Variants in MARCHF1 observed in about 807,000 individuals in gnomAD.
MARCHF1 encodes the protein membrane associated ring-CH-type finger 1.
MARCHF1 carries 40 observed loss-of-function variants against 54.2 expected under a neutral mutation model. The observed-to-expected ratio is 0.74, with a 90% CI of 0.57 to 0.96. The LOEUF (loss-of-function observed/expected upper bound fraction) is 0.96, where lower values mean the gene tolerates loss of function less well. MARCHF1 is among the 40% of genes least tolerant of loss of function. The pLI, the probability that MARCHF1 is intolerant of heterozygous loss-of-function variation, is 0.00. For missense variants in MARCHF1, 586 were observed against 656.5 expected, an observed-to-expected ratio of 0.89 and a Z score of 1.17; for synonymous variants, 236 against 236.3, an observed-to-expected ratio of 1.00 and a Z score of 0.01.
At chr4:163,913,099 A>C (rs1055373594) in intron 3 of MARCHF1, among the ~76,000 whole-genome samples, 9 of 152,172 alleles carry the variant, frequency 5.9e-5, no homozygotes, top group African/African-American at 2.2e-4. Context: ...TCAAAGTGTA[A>C]GGCCTTTTTA....
rs1310210760 is a variant in MARCHF1, at chr4:164,352,585, C to T, written c.-323+31285G>A. Among the ~76,000 whole-genome samples, 86 of 148,894 alleles carry T rather than the reference C, an allele frequency of 5.8e-4. 1 individual carries two copies. Among genetic ancestry groups the T allele is most frequent in the African/African-American group, 1.3e-3 (53 of 41,034 alleles). On this transcript the variant is annotated intron_variant, in intron 1 of 9. Coordinates refer to ENST00000514618, the MANE Select transcript of MARCHF1 (RefSeq NM_001394959.1). ...CTGAGAGATTTTGTCACCACCAGGC[C>T]TGCCCTAAAAGAGTTCCTGAAGGAA...
chr4:164,043,443 T>C (rs1754170844), intron 2 of MARCHF1, among the ~76,000 whole-genome samples: 1 of 152,158 alleles, frequency 6.6e-6, no homozygotes, highest in Non-Finnish European at 1.5e-5. Flanking sequence ...TAGCCACAGC[T>C]GGAGCTGGAG....
intron 4 of MARCHF1, among the ~76,000 whole-genome samples, chr4:163,805,633 G>A (rs958545534): frequency 6.6e-6 from 1 of 152,176 alleles, no homozygotes; most frequent in African/African-American, 2.4e-5. Context: ...AGGCTCCAAC[G>A]ATAGGCCATT....
At chr4:163,582,759 TAAAAACTACAAAAA>T in intron 8 of MARCHF1, among the ~76,000 whole-genome samples, 1 of 103,778 alleles carries the variant, frequency 9.6e-6, no homozygotes, top group East Asian at 2.7e-4. Context: ...TATAACTGTT[TAAAAACTACAAAAA>T]AAAAACTATT....
intron 1 of MARCHF1, among the ~76,000 whole-genome samples, chr4:164,280,573 T>C (rs534517686): frequency 2.6e-5 from 4 of 152,236 alleles, no homozygotes; most frequent in African/African-American, 9.6e-5. Flanking sequence ...AGATGGATTA[T>C]AGATTTATGT....
intron 4 of MARCHF1, among the ~76,000 whole-genome samples, chr4:163,790,659 A>G (rs17044163): frequency 0.013 from 1,982 of 152,272 alleles, 39 homozygotes; most frequent in African/African-American, 0.043. Context: ...CAGTATAAGC[A>G]TAATTTTTTC....
intron 8 of MARCHF1, chr4:163,584,711 A>G (rs1470691475): frequency 1.3e-5 from 2 of 152,224 alleles, no homozygotes; most frequent in Admixed American, 1.3e-4. Context: ...TTAATGAAGA[A>G]TTGCAATGGT....
chr4:163,903,054 C>CT (rs1750975867), intron 3 of MARCHF1, among the ~76,000 whole-genome samples: 1 of 152,088 alleles, frequency 6.6e-6, no homozygotes, highest in South Asian at 2.1e-4. Context: ...AAAATCATTC[C>CT]TAATAACTAC....
chr4:163,595,745 T>G lies in MARCHF1; in HGVS notation c.1011-9816A>C, dbSNP rs146451475. Among the ~76,000 whole-genome samples the G allele has an allele frequency of 1.7e-3, 252 of 151,978 alleles. 1 individual carries two copies. Among genetic ancestry groups the G allele is most frequent in the African/African-American group, 5.6e-3 (232 of 41,476 alleles). On this transcript the variant is annotated intron_variant, in intron 7 of 9. Coordinates refer to ENST00000514618, the MANE Select transcript of MARCHF1 (RefSeq NM_001394959.1). ...GGAGTAGAATAGTGGCTGCCAAGGC[T>G]GGGGAGAGGGGAAAATGGGAAGTTG... is the stretch of plus-strand genomic sequence containing the variant.
At chr4:164,183,545 G>A (rs550501053) in intron 1 of MARCHF1, among the ~76,000 whole-genome samples, 1 of 152,212 alleles carries the variant, frequency 6.6e-6, no homozygotes, top group Admixed American at 6.5e-5. Flanking sequence ...TTCCAGAAAA[G>A]CCTTCTCACT....
intron 2 of MARCHF1, among the ~76,000 whole-genome samples, chr4:164,019,136 G>A (rs1043265413): frequency 6.6e-6 from 1 of 152,168 alleles, no homozygotes. Flanking sequence ...TGCCAGGTGA[G>A]TGAGGTTAGG....
intron 5 of MARCHF1, among the ~76,000 whole-genome samples, chr4:163,638,878 A>C (rs568758219): frequency 6.6e-6 from 1 of 152,370 alleles, no homozygotes; most frequent in South Asian, 2.1e-4. Context: ...ATCTTGTTAC[A>C]TGCAACAACA....
intron 2 of MARCHF1, among the ~76,000 whole-genome samples, chr4:164,095,720 A>T (rs1014605482): frequency 4.6e-5 from 7 of 152,092 alleles, no homozygotes; most frequent in Admixed American, 6.6e-5. Context: ...AAACTCAACC[A>T]AAAAACTTAA....
chr4:163,881,687 G>C (rs1176950457), intron 3 of MARCHF1, among the ~76,000 whole-genome samples: 2 of 147,518 alleles, frequency 1.4e-5, no homozygotes, highest in East Asian at 3.9e-4. Context: ...GAAAAGAAAA[G>C]AAATATATGG....
intron 3 of MARCHF1, among the ~76,000 whole-genome samples, chr4:163,858,434 C>T (rs1749829777): frequency 6.6e-6 from 1 of 152,116 alleles, no homozygotes; most frequent in East Asian, 1.9e-4. Context: ...AAGCTGAATG[C>T]TCCCTCTCTT....
intron 9 of MARCHF1, chr4:163,529,950 A>G (rs1164783676): frequency 6.6e-6 from 1 of 152,012 alleles, no homozygotes; most frequent in Non-Finnish European, 1.5e-5. Flanking sequence ...TGAAGTAGAA[A>G]AATATAGCTC....
chr4:163,526,599 T>C lies in MARCHF1; in HGVS notation c.*2149A>G, dbSNP rs941706535. The stretch of plus-strand genomic sequence containing the variant: ...TTCATAAATGTATTTATCTTAAATA[T>C]TTAAAATGGGCATTTAAGAGGAATT... On this transcript the variant is annotated 3_prime_UTR_variant, in exon 10 of 10. Coordinates refer to ENST00000514618, the MANE Select transcript of MARCHF1 (RefSeq NM_001394959.1). 6.6e-6 allele frequency: 1 copy of C among 151,998 alleles called. No homozygotes were observed. Among genetic ancestry groups the C allele is most frequent in the Admixed American group, 6.6e-5 (1 of 15,246 alleles). 9.4% of individuals were successfully genotyped at this position (151,998 alleles called of 1,614,324 possible).
rs1738073094 is a variant in MARCHF1, at chr4:163,525,567, T to TA, written c.*3180dup. ...ATTGGAATTTCTTTCTTTTACAATT[T>TA]AATCTTTACTCCTGTACGATAAGAG... On this transcript the variant is annotated 3_prime_UTR_variant, in exon 10 of 10. Coordinates refer to ENST00000514618, the MANE Select transcript of MARCHF1 (RefSeq NM_001394959.1). 6.6e-6 allele frequency: 1 copy of TA among 152,180 alleles called. No homozygotes were observed. The allele number at this position is 152,180 out of a possible 1,614,324, so 9.4% of individuals were successfully genotyped here. A position where few individuals can be genotyped will look rare whatever the true frequency, so the allele number is the denominator to read the frequency against.
chr4:163,923,000 T>C (rs1057334958), intron 3 of MARCHF1, among the ~76,000 whole-genome samples: 1 of 152,170 alleles, frequency 6.6e-6, no homozygotes, highest in Non-Finnish European at 1.5e-5. Context: ...GTCAAAGAAT[T>C]AGAGTTCTCT....
Sources: gnomAD v4.1 joint callset for allele counts (sites outside exome capture counted in the v4.1 genomes callset) on GRCh38, gnomAD v4.1.1 for gene constraint, MANE v1.5 for transcripts, NCBI Gene and HGNC (gene_info 2026-07-23, HGNC 2026-07-21) for gene names.